Variants in CENPP observed in about 807,000 individuals in gnomAD.
The protein encoded by CENPP is centromere protein P.
CENPP carries 24 observed loss-of-function variants against 35.6 expected under a neutral mutation model. The ratio of observed to expected loss-of-function variants is 0.67; its 90% CI spans 0.49 to 0.95. The LOEUF is 0.95. Among genes scored for constraint, CENPP ranks in the 40% least tolerant of loss-of-function variants. The pLI is 0.00. For missense variants in CENPP, 332 were observed against 345.3 expected, an observed-to-expected ratio of 0.96 and a Z score of 0.31; for synonymous variants, 120 against 125.5, an observed-to-expected ratio of 0.96 and a Z score of 0.29.
intron 5 of CENPP, among the ~76,000 whole-genome samples, chr9:92,396,499 A>G (rs1335045740): frequency 1.3e-5 from 2 of 152,034 alleles, no homozygotes; most frequent in Admixed American, 6.5e-5. Flanking sequence ...TTCTCCTTAT[A>G]TATAGGTCTT....
chr9:92,611,144 G>A lies in CENPP; in HGVS notation c.565-170G>A, dbSNP rs1018392662. 6.2e-6 allele frequency: 4 copies of A among 642,950 alleles called. No homozygotes were observed. In the African/African-American group the frequency reaches 7.3e-5, roughly 12 times the overall value. The allele number at this position is 642,950 out of a possible 1,614,324, so 39.8% of individuals were successfully genotyped here. Reference sequence around the variant, plus strand: ...AGGCTGTGGAGAGACCTACAGTGGGGCGGACGTGTGTGACAGCAAGGGCAA... The same window carrying A: ...AGGCTGTGGAGAGACCTACAGTGGGACGGACGTGTGTGACAGCAAGGGCAA... On this transcript the variant is annotated intron_variant, in intron 5 of 7. Coordinates refer to ENST00000375587, the MANE Select transcript of CENPP (RefSeq NM_001012267.3).
chr9:92,481,844 A>G (rs1053985409), intron 5 of CENPP, among the ~76,000 whole-genome samples: 3 of 152,200 alleles, frequency 2.0e-5, no homozygotes, highest in African/African-American at 7.2e-5. Flanking sequence ...AGTAATTCAC[A>G]CATTTTAAAT....
intron 5 of CENPP, chr9:92,496,070 C>G (rs1002707366): frequency 1.8e-6 from 2 of 1,123,536 alleles, no homozygotes; most frequent in Non-Finnish European, 2.2e-6. Flanking sequence ...ATATCCTATT[C>G]TAGTGAGATG....
intron 5 of CENPP, among the ~76,000 whole-genome samples, chr9:92,505,197 T>C (rs898050288): frequency 1.2e-4 from 19 of 152,228 alleles, no homozygotes; most frequent in Admixed American, 1.2e-3. Context: ...AAGCGTCACA[T>C]TTCTAGATTG....
intron 4 of CENPP, among the ~76,000 whole-genome samples, chr9:92,366,393 G>A (rs886979196): frequency 2.6e-5 from 4 of 152,058 alleles, no homozygotes; most frequent in South Asian, 2.1e-4. Flanking sequence ...AGTGAAACCA[G>A]ATATACAAAA....
intron 5 of CENPP, among the ~76,000 whole-genome samples, chr9:92,453,639 A>G (rs1045309264): frequency 1.3e-5 from 2 of 152,156 alleles, no homozygotes; most frequent in Admixed American, 6.6e-5. Context: ...CACAATAATA[A>G]TGGGAGACTT....
chr9:92,369,480 T>G (rs1479988882), intron 4 of CENPP, among the ~76,000 whole-genome samples: 1 of 152,128 alleles, frequency 6.6e-6, no homozygotes, highest in Non-Finnish European at 1.5e-5. Context: ...GGGTTGGTTG[T>G]TTTGCATTTG....
intron 4 of CENPP, among the ~76,000 whole-genome samples, chr9:92,353,197 C>T (rs999896999): frequency 1.3e-4 from 20 of 152,122 alleles, no homozygotes; most frequent in African/African-American, 4.6e-4. Context: ...CATGCACAAA[C>T]ATATTTTTAA....
chr9:92,368,349 A>T lies in CENPP; in HGVS notation c.468-11414A>T, dbSNP rs181079451. On this transcript the variant is annotated intron_variant, in intron 4 of 7. Transcript: ENST00000375587. ...TGCAAATATTCCAAAATCTGAAAAA[A>T]ATTCAAAATCTGAAACGCTTCTGGT... 8.5e-4 allele frequency among the ~76,000 whole-genome samples: 130 copies of T among 152,330 alleles called. 1 individual carries two copies. Among genetic ancestry groups the T allele is most frequent in the Middle Eastern group, 3.4e-3 (1 of 294 alleles).
At chr9:92,467,271 G>A (rs1423105002) in intron 5 of CENPP, among the ~76,000 whole-genome samples, 1 of 152,192 alleles carries the variant, frequency 6.6e-6, no homozygotes, top group Non-Finnish European at 1.5e-5. Flanking sequence ...TTTGCAACAT[G>A]TCCAAGGGTG....
chr9:92,533,328 A>AAAAAAAAATAT (rs1554683138), intron 5 of CENPP, among the ~76,000 whole-genome samples: 3 of 38,338 alleles, frequency 7.8e-5, no homozygotes, highest in Non-Finnish European at 1.3e-4. Context: ...AAAAAAAAAA[A>AAAAAAAAATAT]ATATATATAT....
rs571446081 is a variant in CENPP, at chr9:92,386,339, A to G, written c.564+6480A>G. The G allele has an allele frequency of 2.4e-6, 3 of 1,255,332 alleles. No homozygotes were observed. In the Admixed American group the frequency reaches 5.0e-5, roughly 21 times the overall value. 77.8% of individuals were successfully genotyped at this position (1,255,332 alleles called of 1,614,324 possible). A position where few individuals can be genotyped will look rare whatever the true frequency, so the allele number is the denominator to read the frequency against. Reference sequence around the variant, plus strand: ...TGTGAGTGTTATTGAGGTTCTGTACATTCTTTCACAGGATTCAAGCAATAT... The same window carrying G: ...TGTGAGTGTTATTGAGGTTCTGTACGTTCTTTCACAGGATTCAAGCAATAT... On this transcript the variant is annotated intron_variant, in intron 5 of 7. Transcript: ENST00000375587.
intron 5 of CENPP, among the ~76,000 whole-genome samples, chr9:92,501,686 C>T (rs535706367): frequency 6.6e-6 from 1 of 152,316 alleles, no homozygotes; most frequent in African/African-American, 2.4e-5. Flanking sequence ...CTGATGAAGA[C>T]TTCTCTGCCT....
chr9:92,327,424 G>A (rs1840589698), intron 1 of CENPP, among the ~76,000 whole-genome samples: 1 of 152,208 alleles, frequency 6.6e-6, no homozygotes, highest in Admixed American at 6.5e-5. Context: ...TATGCTGTAT[G>A]AGTGGGCTAG....
At chr9:92,325,871 C>T (rs961602063), upstream of CENPP, 3 of 698,840 alleles carry the variant, frequency 4.3e-6, no homozygotes, top group South Asian at 1.8e-5. Flanking sequence ...GGAGCTCTCC[C>T]GCCTCCCCTC....
intron 4 of CENPP, among the ~76,000 whole-genome samples, chr9:92,375,354 G>T (rs117400098): frequency 9.9e-5 from 15 of 151,576 alleles, no homozygotes; most frequent in Non-Finnish European, 2.9e-5. Context: ...GCGCAGTGCC[G>T]CAATCTCAGT....
chr9:92,397,472 A>G (rs1344170726), intron 5 of CENPP, among the ~76,000 whole-genome samples: 1 of 152,044 alleles, frequency 6.6e-6, no homozygotes, highest in Non-Finnish European at 1.5e-5. Flanking sequence ...GATTACAGAC[A>G]TGTGCCACCA....
intron 5 of CENPP, among the ~76,000 whole-genome samples, chr9:92,422,443 C>T (rs1416512658): frequency 6.6e-6 from 1 of 152,086 alleles, no homozygotes; most frequent in Non-Finnish European, 1.5e-5. Flanking sequence ...GTCTGTTGTT[C>T]AACAACTATG....
intron 5 of CENPP, among the ~76,000 whole-genome samples, chr9:92,569,108 G>T (rs573122519): frequency 8.1e-4 from 123 of 152,186 alleles, no homozygotes; most frequent in African/African-American, 2.7e-3. Context: ...GTCAATTTTG[G>T]CTTTTGTTGC....
Sources: allele counts gnomAD v4.1 joint callset (sites outside exome capture counted in the v4.1 genomes callset), GRCh38; gene constraint gnomAD v4.1.1; transcripts MANE v1.5; gene names NCBI Gene and HGNC (gene_info 2026-07-23, HGNC 2026-07-21).